Variants in CFAP54 observed in about 807,000 individuals in gnomAD.
CFAP54 encodes the protein cilia- and flagella-associated protein 54.
CFAP54 carries 290 observed loss-of-function variants against 370.4 expected under a neutral mutation model. The observed-to-expected ratio is 0.78, with a 90% CI of 0.71 to 0.86. CFAP54 has a LOEUF of 0.86. Ranked by LOEUF, CFAP54 falls within the 40% of genes least tolerant of loss-of-function variation. The pLI, the probability that CFAP54 is intolerant of heterozygous loss-of-function variation, is 0.00. For missense variants in CFAP54, 3,399 were observed against 3,528.7 expected (o/e 0.96, Z 0.93); for synonymous variants, 1,206 against 1,236.5 (o/e 0.98, Z 0.52).
At chr12:96,823,809 C>T (rs755534430) in intron 65 of CFAP54, among the ~76,000 whole-genome samples, 13 of 152,084 alleles carry the variant, frequency 8.5e-5, no homozygotes, top group Non-Finnish European at 1.5e-4. Context: ...GATCTTGGGG[C>T]CTAGGACAAG....
chr12:96,781,222 G>GT (rs931050796), intron 60 of CFAP54, among the ~76,000 whole-genome samples: 17 of 152,186 alleles, frequency 1.1e-4, no homozygotes, highest in African/African-American at 3.6e-4. Flanking sequence ...TAGGAATACG[G>GT]TAAAAAGTGC....
At chr12:96,858,576 C>T (rs1959781077) in intron 66 of CFAP54, among the ~76,000 whole-genome samples, 1 of 152,180 alleles carries the variant, frequency 6.6e-6, no homozygotes, top group South Asian at 2.1e-4. Flanking sequence ...ATTCCCATGT[C>T]CAGCTTTGTA....
intron 15 of CFAP54, among the ~76,000 whole-genome samples, chr12:96,549,626 A>G (rs1266263916): frequency 6.6e-6 from 1 of 152,228 alleles, no homozygotes; most frequent in Non-Finnish European, 1.5e-5. Context: ...GGATTCTGAT[A>G]TTGACTATTT....
intron 20 of CFAP54, among the ~76,000 whole-genome samples, chr12:96,578,470 A>G (rs192512128): frequency 1.1e-3 from 160 of 152,366 alleles, no homozygotes; most frequent in Middle Eastern, 6.8e-3. Context: ...CACGTGCTTT[A>G]CTAAGAGTTT....
chr12:96,621,799 A>C (rs904119831), intron 27 of CFAP54, 78 bp downstream of exon 27: 3 of 1,082,382 alleles, frequency 2.8e-6, no homozygotes, highest in African/African-American at 1.6e-5. Context: ...TATTAAACAT[A>C]TTAGAAAATT....
intron 26 of CFAP54, among the ~76,000 whole-genome samples, chr12:96,600,877 T>C (rs992416877): frequency 3.3e-5 from 5 of 152,200 alleles, no homozygotes; most frequent in African/African-American, 1.2e-4. Context: ...GATGGGGTTT[T>C]CTAAATATAC....
At chr12:96,847,210 G>T (rs1167066710) in intron 66 of CFAP54, among the ~76,000 whole-genome samples, 1 of 152,106 alleles carries the variant, frequency 6.6e-6, no homozygotes, top group Non-Finnish European at 1.5e-5. Context: ...CAGGGAAGGG[G>T]CAAGAAGCAG....
chr12:96,594,254 A>G (rs1260155022), intron 24 of CFAP54, 37 bp from the exon 25 acceptor site: 18 of 1,451,838 alleles, frequency 1.2e-5, no homozygotes, highest in Non-Finnish European at 1.7e-5. Flanking sequence ...CTAAGCACCT[A>G]TGTTCAATCT....
chr12:96,577,842 C>A (rs923105664), intron 20 of CFAP54, among the ~76,000 whole-genome samples: 2 of 152,132 alleles, frequency 1.3e-5, no homozygotes, highest in Non-Finnish European at 2.9e-5. Context: ...AGGCAGATTA[C>A]CTGAGGTCAG....
At chr12:96,550,851 T>A (rs1290558753) in intron 15 of CFAP54, among the ~76,000 whole-genome samples, 1 of 152,170 alleles carries the variant, frequency 6.6e-6, no homozygotes, top group Non-Finnish European at 1.5e-5. Flanking sequence ...ATACTTAGAT[T>A]TTTAACCACC....
intron 56 of CFAP54, among the ~76,000 whole-genome samples, chr12:96,754,811 T>A (rs1319025262): frequency 6.6e-6 from 1 of 152,104 alleles, no homozygotes; most frequent in Non-Finnish European, 1.5e-5. Context: ...TGGCATGATC[T>A]TGGCTCACTG....
chr12:96,777,927 GAC>G (rs1160230200), intron 60 of CFAP54, among the ~76,000 whole-genome samples: 1 of 152,156 alleles, frequency 6.6e-6, no homozygotes, highest in Non-Finnish European at 1.5e-5. Flanking sequence ...GATACTGTTA[GAC>G]AAATATAAGC....
chr12:96,802,893 T>G (rs865930703), intron 63 of CFAP54, among the ~76,000 whole-genome samples: 1 of 152,138 alleles, frequency 6.6e-6, no homozygotes, highest in Non-Finnish European at 1.5e-5. Context: ...GTGTTCTCAT[T>G]GTTCAACTCC....
intron 66 of CFAP54, among the ~76,000 whole-genome samples, chr12:96,849,974 T>A (rs1479281850): frequency 6.6e-6 from 1 of 152,152 alleles, no homozygotes; most frequent in African/African-American, 2.4e-5. Context: ...CCCGGGCAAT[T>A]TGGACTCAAA....
At chr12:96,829,665 G>T (rs1227355677) in intron 66 of CFAP54, among the ~76,000 whole-genome samples, 1 of 151,720 alleles carries the variant, frequency 6.6e-6, no homozygotes, top group Admixed American at 6.6e-5. Flanking sequence ...AATTCTTAGG[G>T]ATTGGATTTG....
chr12:96,556,220 A>G (rs1055317956), intron 17 of CFAP54, among the ~76,000 whole-genome samples: 4 of 152,028 alleles, frequency 2.6e-5, no homozygotes, highest in African/African-American at 9.7e-5. Flanking sequence ...ACAAGATTCA[A>G]AAAGTGCTGA....
At chr12:96,842,576 A>G (rs1252058885) in intron 66 of CFAP54, among the ~76,000 whole-genome samples, 2 of 152,344 alleles carry the variant, frequency 1.3e-5, no homozygotes, top group East Asian at 3.9e-4. Flanking sequence ...GTGGAGAGCC[A>G]TTAAACTATC....
At chr12:96,790,055 C>T (rs1410066174) in intron 62 of CFAP54, among the ~76,000 whole-genome samples, 3 of 152,136 alleles carry the variant, frequency 2.0e-5, no homozygotes, top group Non-Finnish European at 4.4e-5. Context: ...ACAATCATTG[C>T]TCCGTGTTGT....
At chr12:96,650,120 C>A in intron 35 of CFAP54, 48 bp downstream of exon 35, 1 of 1,481,584 alleles carries the variant, frequency 6.7e-7, no homozygotes, top group Non-Finnish European at 9.1e-7. Flanking sequence ...AAATTTCAGC[C>A]CACCAACTTG....
Sources: allele counts gnomAD v4.1 joint callset (sites outside exome capture counted in the v4.1 genomes callset), GRCh38; gene constraint gnomAD v4.1.1; transcripts MANE v1.5; gene names NCBI Gene and HGNC (gene_info 2026-07-23, HGNC 2026-07-21).